The following VGLL4 variants were observed in gnomAD, a reference collection of about 807,000 sequenced individuals.
VGLL4 encodes transcription cofactor vestigial-like protein 4.
VGLL4 carries 7 observed loss-of-function variants against 21.0 expected under a neutral mutation model. That is an observed-to-expected ratio of 0.33 (90% CI 0.19 to 0.63). The LOEUF is 0.63. Among genes scored for constraint, VGLL4 ranks in the 20% least tolerant of loss-of-function variants. VGLL4 has a pLI of 0.78. For synonymous variants in VGLL4, 222 were observed against 173.2 expected, an observed-to-expected ratio of 1.28 and a Z score of -2.21; for missense variants, 394 against 425.7, an observed-to-expected ratio of 0.93 and a Z score of 0.66.
chr3:11,614,933 T>G (rs926724321), intron 1 of VGLL4, among the ~76,000 whole-genome samples: 1 of 152,252 alleles, frequency 6.6e-6, no homozygotes, highest in African/African-American at 2.4e-5. Context: ...ACCCAAAAAG[T>G]TGAATGAGAA....
At chr3:11,635,953 A>T (rs11128561) in intron 1 of VGLL4, among the ~76,000 whole-genome samples, 20,271 of 152,278 alleles carry the variant, frequency 0.13, 1,577 homozygotes, top group South Asian at 0.25. Flanking sequence ...CAGGAAAATA[A>T]AACAAAGGTT....
chr3:11,626,501 G>C (rs2075354606), intron 1 of VGLL4: 8 of 448,086 alleles, frequency 1.8e-5, no homozygotes, highest in South Asian at 1.3e-4. Flanking sequence ...GGCAGAGCTG[G>C]AGATTTCATT....
At chr3:11,611,396 G>T (rs1249778582) in intron 1 of VGLL4, among the ~76,000 whole-genome samples, 1 of 152,164 alleles carries the variant, frequency 6.6e-6, no homozygotes, top group African/African-American at 2.4e-5. Context: ...CCATCTGCAA[G>T]CCAAGGAGAG....
intron 2 of VGLL4, among the ~76,000 whole-genome samples, chr3:11,690,401 T>C (rs1254250705): frequency 6.6e-6 from 1 of 152,240 alleles, no homozygotes; most frequent in Non-Finnish European, 1.5e-5. Flanking sequence ...TCTGCCATTT[T>C]ACTCCTAAAA....
chr3:11,578,566 C>CT (rs2074124932), intron 2 of VGLL4, among the ~76,000 whole-genome samples: 1 of 149,316 alleles, frequency 6.7e-6, no homozygotes, highest in Non-Finnish European at 1.5e-5. Flanking sequence ...TTAAAGTTAC[C>CT]GATCTACCCT....
rs10690353 is a variant in VGLL4 at position 11,713,568 on chromosome 3, T to TTATATATATATATA, written c.-14+6812_-14+6825dup. On this transcript the variant is annotated intron_variant, in intron 1 of 5. Transcript: ENST00000273038. Reference sequence around the variant, plus strand: ...TGAGAACTGTGTGTATATATATTATTTATATATATATATATATATATATCT... The same window carrying TTATATATATATATA: ...TGAGAACTGTGTGTATATATATTATTTATATATATATATATATATATATATATATATATATATCT... 9.8e-3 allele frequency among the ~76,000 whole-genome samples: 1,374 copies of TTATATATATATATA among 140,084 alleles called. 17 individuals carry two copies. The highest frequency in any genetic ancestry group is 0.035 in the African/African-American group (1,274 of 36,814). 91.9% of individuals were successfully genotyped at this position (140,084 alleles called of 152,430 possible).
At chr3:11,564,747 G>GT (rs759714210) in intron 3 of VGLL4, 50 bp downstream of exon 3, 1 of 1,508,774 alleles carries the variant, frequency 6.6e-7, no homozygotes, top group African/African-American at 1.5e-5. Flanking sequence ...ATCCAGCCCA[G>GT]TCCCCCAGCC....
intron 1 of VGLL4, among the ~76,000 whole-genome samples, chr3:11,627,581 G>A (rs73027160): frequency 0.073 from 9,032 of 123,534 alleles, 401 homozygotes; most frequent in East Asian, 0.19. Context: ...AGTGACAAGA[G>A]TGAAACTTCA....
At chr3:11,657,490 G>T (rs761075618) in intron 2 of VGLL4, among the ~76,000 whole-genome samples, 7 of 149,876 alleles carry the variant, frequency 4.7e-5, no homozygotes, top group African/African-American at 1.5e-4. Flanking sequence ...TTTCCTGCTG[G>T]TATGAATTAA....
In VGLL4 at chr3:11,616,189, C is replaced by T. The variant is rs547914041; in HGVS notation, c.83-14167G>A. Among the ~76,000 whole-genome samples, 7 of 152,054 alleles carry T rather than the reference C, an allele frequency of 4.6e-5. No individual in the cohort carries two copies. The South Asian group carries it at 6.2e-4, about 14-fold the overall frequency. On this transcript the variant is annotated intron_variant, in intron 1 of 4. Coordinates refer to ENST00000430365, the MANE Select transcript of VGLL4 (RefSeq NM_001128219.3). ...CTGCTCCTGAGGTGTGGTCTGCACA[C>T]GCAGGGGATGCCTCCCACCTCCCCT... is the stretch of plus-strand genomic sequence containing the variant.
Position 11,660,421 on chromosome 3 carries a change from C to T in VGLL4, c.64+42550G>A, listed in dbSNP as rs1575504693. 2.0e-5 allele frequency among the ~76,000 whole-genome samples: 3 copies of T among 152,160 alleles called. No homozygotes were observed. In the East Asian group the frequency reaches 5.8e-4, roughly 29 times the overall value. Reference sequence around the variant, plus strand: ...TCTCCCCTGTAGACCAAACCAAGAGCTCCTGAGGGCAAAGGCCTTTGCTTA... The same window carrying T: ...TCTCCCCTGTAGACCAAACCAAGAGTTCCTGAGGGCAAAGGCCTTTGCTTA... On this transcript the variant is annotated intron_variant, in intron 2 of 5. Coordinates refer to the VGLL4 transcript ENST00000273038.
At chr3:11,638,268 G>A (rs1329370519) in intron 1 of VGLL4, among the ~76,000 whole-genome samples, 1 of 152,136 alleles carries the variant, frequency 6.6e-6, no homozygotes, top group African/African-American at 2.4e-5. Flanking sequence ...AATAGGGAAC[G>A]GAGGAAGGAG....
intron 2 of VGLL4, among the ~76,000 whole-genome samples, chr3:11,702,375 C>T (rs973694219): frequency 2.7e-5 from 4 of 147,932 alleles, no homozygotes; most frequent in African/African-American, 1.0e-4. Flanking sequence ...TTTGGGAGGC[C>T]GAGGTAGACG....
chr3:11,677,359 C>A (rs540754529), intron 2 of VGLL4, among the ~76,000 whole-genome samples: 1 of 151,968 alleles, frequency 6.6e-6, no homozygotes, highest in South Asian at 2.1e-4. Context: ...ATAGCCTCAA[C>A]CTCCCAGACA....
intron 1 of VGLL4, among the ~76,000 whole-genome samples, chr3:11,636,761 A>T (rs2075596019): frequency 6.6e-6 from 1 of 152,216 alleles, no homozygotes; most frequent in African/African-American, 2.4e-5. Context: ...GGATGGTGGG[A>T]GGGCTTCAAC....
At chr3:11,616,910 G>A (rs2075172279) in intron 1 of VGLL4, among the ~76,000 whole-genome samples, 1 of 152,172 alleles carries the variant, frequency 6.6e-6, no homozygotes, top group Non-Finnish European at 1.5e-5. Context: ...AGATGCTCTT[G>A]AAATGGGTGA....
chr3:11,565,161 C>A lies in VGLL4; in HGVS notation c.273-142G>T. On this transcript the variant is annotated intron_variant, in intron 2 of 4. Transcript: ENST00000430365. This position sits in a 1 kb window ranked among gnomAD's most constrained non-coding sequence, Gnocchi z 4.1. ...GTGGCTGGGCAGCACGATGAGGAGC[C>A]GGTTGCCAGCCCGGGTCAGCCGGAC... The A allele has an allele frequency of 1.2e-6, 1 of 846,160 alleles. No homozygotes were observed. Among genetic ancestry groups the A allele is most frequent in the South Asian group, 3.0e-5 (1 of 32,906 alleles). The allele number at this position is 846,160 out of a possible 1,614,324, so 52.4% of individuals were successfully genotyped here.
At chr3:11,645,959 A>G (rs1226909711), upstream of VGLL4, among the ~76,000 whole-genome samples, 2 of 152,048 alleles carry the variant, frequency 1.3e-5, no homozygotes, top group Non-Finnish European at 2.9e-5. Context: ...GTGACAGAAC[A>G]AGACTCCGTC....
chr3:11,603,471 C>T (rs2125270112), intron 1 of VGLL4, among the ~76,000 whole-genome samples: 1 of 152,320 alleles, frequency 6.6e-6, no homozygotes, highest in South Asian at 2.1e-4. Flanking sequence ...AAAAGCAGTG[C>T]TCATCTTTAT....
Sources: gnomAD v4.1 joint callset for allele counts (sites outside exome capture counted in the v4.1 genomes callset) on GRCh38, gnomAD v4.1.1 for gene constraint, Gnocchi (gnomAD v3.1) non-coding constraint, MANE v1.5 for transcripts, NCBI Gene and HGNC (gene_info 2026-07-23, HGNC 2026-07-21) for gene names.